DYNLRB2: variants seen among roughly 807,000 people sequenced by gnomAD.
DYNLRB2 encodes bithoraxoid-like protein.
In DYNLRB2, 14 loss-of-function variants were observed where a neutral mutation model predicts 12.6. The ratio of observed to expected loss-of-function variants is 1.11; its 90% CI spans 0.73 to 1.73. The LOEUF (loss-of-function observed/expected upper bound fraction) is 1.73. Among genes scored for constraint, DYNLRB2 ranks in the 40% most tolerant of loss-of-function variants. The pLI, the probability that DYNLRB2 is intolerant of heterozygous loss-of-function variation, is 0.00. For synonymous variants in DYNLRB2, 53 were observed against 37.0 expected, an observed-to-expected ratio of 1.43 and a Z score of -1.57; for missense variants, 142 against 117.7, an observed-to-expected ratio of 1.21 and a Z score of -0.95.
At chr16:80,550,384 G>GC (rs1904767685) in intron 3 of DYNLRB2, 131 bp from the exon 4 acceptor site, 1 of 962,366 alleles carries the variant, frequency 1.0e-6, no homozygotes, top group African/African-American at 1.6e-5. Flanking sequence ...ATTCATACGT[G>GC]CAGATAGGGT....
chr16:80,541,288 A>G (rs1268939360), intron 1 of DYNLRB2: 4 of 965,932 alleles, frequency 4.1e-6, no homozygotes, highest in Non-Finnish European at 4.9e-6. Flanking sequence ...TGTTTTGGGA[A>G]TTGATTTCGC....
chr16:80,541,396 A>C (rs1390806206), intron 1 of DYNLRB2: 1 of 984,526 alleles, frequency 1.0e-6, no homozygotes, highest in African/African-American at 1.7e-5. Context: ...GGGAGCCAGG[A>C]AAGTTTCCAA....
chr16:80,550,613 C>T lies in DYNLRB2; in HGVS notation c.*55C>T. ...CACTGGGTTGGAAACACTTGGCTCTCTCATGAGTATTAAAATTCTATTTCA... is the reference window on the plus strand; with the variant it reads ...CACTGGGTTGGAAACACTTGGCTCTTTCATGAGTATTAAAATTCTATTTCA... On this transcript the variant is annotated 3_prime_UTR_variant, in exon 4 of 4. Transcript: ENST00000305904. 6.3e-7 allele frequency: 1 copy of T among 1,575,724 alleles called. No individual in the cohort carries two copies. The highest frequency in any genetic ancestry group is 8.7e-7 in the Non-Finnish European group (1 of 1,145,686).
chr16:80,541,881 C>A (rs1255179575), intron 1 of DYNLRB2, among the ~76,000 whole-genome samples: 1 of 152,172 alleles, frequency 6.6e-6, no homozygotes, highest in Non-Finnish European at 1.5e-5. Flanking sequence ...TCAACGCTTA[C>A]GGTTTAGTGT....
At chr16:80,541,136 A>C in intron 1 of DYNLRB2, 57 bp downstream of exon 1, 1 of 1,573,992 alleles carries the variant, frequency 6.4e-7, no homozygotes, top group East Asian at 2.3e-5. Flanking sequence ...ACCGTCAAGG[A>C]CCTTCGCACC....
In DYNLRB2 at chr16:80,541,064, C is replaced by A; in HGVS notation, c.-13C>A. On this transcript the variant is annotated 5_prime_UTR_variant, in exon 1 of 4. Coordinates refer to ENST00000305904, the MANE Select transcript of DYNLRB2 (RefSeq NM_130897.3). ...TGCCGCCGGCCTGAGCCCAGAGTTT[C>A]GCGGCCTCCGCGATGGTAAATCTGG... 1 of 1,607,686 alleles carries A rather than the reference C, an allele frequency of 6.2e-7. No homozygotes were observed. Among genetic ancestry groups the A allele is most frequent in the Non-Finnish European group, 8.5e-7 (1 of 1,176,562 alleles).
intron 3 of DYNLRB2, among the ~76,000 whole-genome samples, chr16:80,550,166 C>T (rs1904751641): frequency 1.3e-5 from 2 of 152,200 alleles, no homozygotes; most frequent in Non-Finnish European, 2.9e-5. Context: ...CTAGAACAAA[C>T]CTCTGTAACA....
intron 1 of DYNLRB2, among the ~76,000 whole-genome samples, chr16:80,542,621 C>G (rs1904297969): frequency 6.6e-6 from 1 of 152,168 alleles, no homozygotes; most frequent in African/African-American, 2.4e-5. Context: ...ACAATACACT[C>G]TACACATAAG....
intron 2 of DYNLRB2, chr16:80,547,935 A>T: frequency 2.9e-6 from 1 of 346,462 alleles, no homozygotes; most frequent in Non-Finnish European, 5.7e-6. Context: ...CATAGCAGTT[A>T]TCTTAAAAGA....
At chr16:80,545,392 G>C (rs993454706) in intron 2 of DYNLRB2, among the ~76,000 whole-genome samples, 4 of 152,086 alleles carry the variant, frequency 2.6e-5, no homozygotes. Flanking sequence ...CTATTTAAAA[G>C]GTTGAAGACT....
chr16:80,542,452 T>C (rs1904296586), intron 1 of DYNLRB2, among the ~76,000 whole-genome samples: 2 of 152,160 alleles, frequency 1.3e-5, no homozygotes, highest in South Asian at 4.1e-4. Flanking sequence ...AGTAACAAAA[T>C]GTTCACCTGT....
intron 2 of DYNLRB2, among the ~76,000 whole-genome samples, chr16:80,545,916 A>T (rs9939672): frequency 6.6e-6 from 1 of 150,826 alleles, no homozygotes; most frequent in Non-Finnish European, 1.5e-5. Flanking sequence ...TGATCCACCC[A>T]CCTCGGCCTC....
At chr16:80,546,482 C>T (rs1489187468) in intron 2 of DYNLRB2, among the ~76,000 whole-genome samples, 1 of 152,192 alleles carries the variant, frequency 6.6e-6, no homozygotes, top group Non-Finnish European at 1.5e-5. Flanking sequence ...TATATATAGT[C>T]CTTCGGTTTC....
At chr16:80,542,921 G>A (rs1271155431) in intron 1 of DYNLRB2, among the ~76,000 whole-genome samples, 2 of 152,212 alleles carry the variant, frequency 1.3e-5, no homozygotes, top group Non-Finnish European at 2.9e-5. Flanking sequence ...TTTGAATACA[G>A]CAGGGTCAAT....
At chr16:80,544,790 A>G (rs1020546629) in intron 2 of DYNLRB2, 1 of 152,124 alleles carries the variant, frequency 6.6e-6, no homozygotes, top group Non-Finnish European at 1.5e-5. Context: ...ACCTCTTCCT[A>G]GCTTCTGGTA....
intron 2 of DYNLRB2, among the ~76,000 whole-genome samples, chr16:80,543,957 G>A (rs1428929213): frequency 3.9e-5 from 6 of 152,174 alleles, no homozygotes; most frequent in Admixed American, 2.0e-4. Context: ...ATTGCTCCAC[G>A]CTCAGCTATG....
chr16:80,541,467 A>T, intron 1 of DYNLRB2: 1 of 864,664 alleles, frequency 1.2e-6, no homozygotes, highest in East Asian at 1.2e-4. Flanking sequence ...GAGAAGGAAG[A>T]GGTGGGACAG....
chr16:80,547,935 A>G, intron 2 of DYNLRB2: 1 of 346,462 alleles, frequency 2.9e-6, no homozygotes. Context: ...CATAGCAGTT[A>G]TCTTAAAAGA....
At position 80,541,051 on chromosome 16, in the gene DYNLRB2, G is replaced by A; in HGVS notation, c.-26G>A. 1 of 1,607,524 alleles carries A rather than the reference G, an allele frequency of 6.2e-7. No homozygotes were observed. The highest frequency in any genetic ancestry group is 8.5e-7 in the Non-Finnish European group (1 of 1,176,350). On this transcript the variant is annotated 5_prime_UTR_variant, in exon 1 of 4. Transcript: ENST00000305904. Reference sequence around the variant, plus strand: ...TCCCGGGAGGCTGTGCCGCCGGCCTGAGCCCAGAGTTTCGCGGCCTCCGCG... The same window carrying A: ...TCCCGGGAGGCTGTGCCGCCGGCCTAAGCCCAGAGTTTCGCGGCCTCCGCG...
Sources: gnomAD v4.1 joint callset for allele counts (sites outside exome capture counted in the v4.1 genomes callset) on GRCh38, gnomAD v4.1.1 for gene constraint, MANE v1.5 for transcripts, NCBI Gene and HGNC (gene_info 2026-07-23, HGNC 2026-07-21) for gene names.